LRRC7: variants seen among roughly 807,000 people sequenced by gnomAD.
The protein encoded by LRRC7 is leucine-rich repeat-containing protein 7.
Under a neutral mutation model 175.7 loss-of-function variants are expected in LRRC7, and 23 were observed. The observed-to-expected ratio is 0.13, with a 90% CI of 0.09 to 0.19. The LOEUF is 0.19. Ranked by LOEUF, LRRC7 falls within the 10% of genes least tolerant of loss-of-function variation. LRRC7 has a pLI of 1.00. For synonymous variants in LRRC7, 685 were observed against 680.9 expected (o/e 1.01, Z -0.09); for missense variants, 1,354 against 1,904.7 (o/e 0.71, Z 5.38).
At chr1:69,911,315 G>A (rs1303412779) in intron 7 of LRRC7, among the ~76,000 whole-genome samples, 1 of 152,188 alleles carries the variant, frequency 6.6e-6, no homozygotes, top group Non-Finnish European at 1.5e-5. Flanking sequence ...CTGTAGACTG[G>A]AGCTGTTCCT....
intron 4 of LRRC7, among the ~76,000 whole-genome samples, chr1:69,811,759 G>T (rs1183892978): frequency 6.6e-6 from 1 of 152,042 alleles, no homozygotes; most frequent in African/African-American, 2.4e-5. Context: ...ATCACACACA[G>T]GGGCCTGTTG....
At chr1:69,608,807 T>A in intron 1 of LRRC7, among the ~76,000 whole-genome samples, 1 of 87,654 alleles carries the variant, frequency 1.1e-5, no homozygotes, top group Non-Finnish European at 2.2e-5. Flanking sequence ...TAAGTTGCTC[T>A]GTCTGTCTCT....
In LRRC7 at chr1:69,717,919, GAAAAAAAGA is replaced by G. The variant is rs1557641842; in HGVS notation, c.100+39445_100+39453del. ...GGAGGGAAGGAGGGAGAGAAAGAGA[GAAAAAAAGA>G]AAAGAAAGAAAGAAAGAAAGAAAGA... On this transcript the variant is annotated intron_variant, in intron 2 of 26. Coordinates refer to ENST00000651989, the MANE Select transcript of LRRC7 (RefSeq NM_001370785.2). 4.8e-3 allele frequency among the ~76,000 whole-genome samples: 150 copies of G among 31,186 alleles called. 7 individuals are homozygous for G. The highest frequency in any genetic ancestry group is 0.014 in the African/African-American group (77 of 5,466). The allele number at this position is 31,186 out of a possible 152,430, so 20.5% of individuals were successfully genotyped here.
chr1:70,090,317 A>T (rs929136672), intron 25 of LRRC7, among the ~76,000 whole-genome samples: 5 of 152,150 alleles, frequency 3.3e-5, no homozygotes, highest in African/African-American at 1.2e-4. Flanking sequence ...TTGAGAAACC[A>T]CAGAAAACAA....
chr1:69,949,709 A>G (rs1424184423), intron 8 of LRRC7, among the ~76,000 whole-genome samples: 1 of 152,136 alleles, frequency 6.6e-6, no homozygotes, highest in Non-Finnish European at 1.5e-5. Flanking sequence ...TTATATATAC[A>G]TGCATATACT....
chr1:69,936,360 C>T (rs1277801898), intron 8 of LRRC7, among the ~76,000 whole-genome samples: 1 of 152,130 alleles, frequency 6.6e-6, no homozygotes, highest in Non-Finnish European at 1.5e-5. Flanking sequence ...ACATTTCTAT[C>T]ATATCAAACC....
In LRRC7 at chr1:69,677,736, T is replaced by C. The variant is rs1442630800; in HGVS notation, c.3-645T>C. ...ATTTACTTTGCAAATAATTACTCTT[T>C]AGTCGATAGGTCTTTATTTTATTCA... On this transcript the variant is annotated intron_variant, in intron 1 of 26. Transcript: ENST00000651989. Among the ~76,000 whole-genome samples, 8 of 152,260 alleles carry C rather than the reference T, an allele frequency of 5.3e-5. No individual in the cohort carries two copies. In the South Asian group the frequency reaches 1.7e-3, roughly 32 times the overall value.
At chr1:69,769,132 A>G (rs890183193) in intron 3 of LRRC7, among the ~76,000 whole-genome samples, 9 of 152,324 alleles carry the variant, frequency 5.9e-5, no homozygotes, top group African/African-American at 1.7e-4. Flanking sequence ...CTACAGTACA[A>G]TGTAAAGAAT....
chr1:69,880,753 G>C (rs1267507592), intron 7 of LRRC7, among the ~76,000 whole-genome samples: 1 of 149,300 alleles, frequency 6.7e-6, no homozygotes, highest in East Asian at 2.0e-4. Flanking sequence ...GCTTATTCTT[G>C]TCATATATAA....
chr1:70,071,173 G>A (rs1590724), intron 23 of LRRC7, among the ~76,000 whole-genome samples: 23,307 of 152,066 alleles, frequency 0.15, 2,851 homozygotes, highest in African/African-American at 0.33. Flanking sequence ...TGGTTAGAGA[G>A]AGTAGGCTTT....
chr1:69,703,310 A>C (rs1663608941), intron 2 of LRRC7, among the ~76,000 whole-genome samples: 1 of 152,090 alleles, frequency 6.6e-6, no homozygotes, highest in South Asian at 2.1e-4. Flanking sequence ...TCAATATTTC[A>C]AGATAAAAAT....
At chr1:69,780,265 C>G (rs569136224) in intron 3 of LRRC7, among the ~76,000 whole-genome samples, 6 of 152,250 alleles carry the variant, frequency 3.9e-5, no homozygotes, top group African/African-American at 1.4e-4. Flanking sequence ...GGAAAAAAGT[C>G]TAGGGATATT....
At chr1:69,625,539 T>TTAAG (rs1442561255) in intron 1 of LRRC7, among the ~76,000 whole-genome samples, 1 of 151,642 alleles carries the variant, frequency 6.6e-6, no homozygotes, top group Non-Finnish European at 1.5e-5. Context: ...ACTGTTATTC[T>TTAAG]TAAGAACTGT....
At chr1:69,663,092 G>T (rs1657722103) in intron 1 of LRRC7, among the ~76,000 whole-genome samples, 1 of 152,046 alleles carries the variant, frequency 6.6e-6, no homozygotes, top group Non-Finnish European at 1.5e-5. Flanking sequence ...CAATAAGATA[G>T]AAATCTTATT....
At chr1:69,578,542 C>T (rs1646054743) in intron 1 of LRRC7, among the ~76,000 whole-genome samples, 1 of 148,412 alleles carries the variant, frequency 6.7e-6, no homozygotes, top group South Asian at 2.2e-4. Flanking sequence ...GGAACCAACC[C>T]AAATGTCCAA....
chr1:69,751,025 G>C (rs962222834), intron 2 of LRRC7, among the ~76,000 whole-genome samples: 8 of 152,138 alleles, frequency 5.3e-5, no homozygotes, highest in African/African-American at 1.9e-4. Context: ...CATGGTCTGG[G>C]AAATACTGTT....
At chr1:69,570,290 G>A (rs1171194417) in intron 1 of LRRC7, among the ~76,000 whole-genome samples, 1 of 151,846 alleles carries the variant, frequency 6.6e-6, no homozygotes, top group East Asian at 1.9e-4. Flanking sequence ...CATCCTGGTT[G>A]CTTAAGTCCT....
chr1:69,996,879 C>A (rs374512170), intron 11 of LRRC7, among the ~76,000 whole-genome samples: 1 of 151,804 alleles, frequency 6.6e-6, no homozygotes, highest in African/African-American at 2.4e-5. Flanking sequence ...CTTGGCAATG[C>A]GGGCTCTTTT....
At chr1:69,840,493 T>G (rs1681603427) in intron 7 of LRRC7, among the ~76,000 whole-genome samples, 1 of 152,086 alleles carries the variant, frequency 6.6e-6, no homozygotes, top group South Asian at 2.1e-4. Flanking sequence ...GTTAGTTATT[T>G]TCTCTTCTTT....
Sources: allele counts gnomAD v4.1 joint callset (sites outside exome capture counted in the v4.1 genomes callset), GRCh38; gene constraint gnomAD v4.1.1; transcripts MANE v1.5; gene names NCBI Gene and HGNC (gene_info 2026-07-23, HGNC 2026-07-21).